Variants in FBN2 observed in about 807,000 individuals in gnomAD.
FBN2 encodes fibrillin 2.
Under a neutral mutation model 355.6 loss-of-function variants are expected in FBN2, and 105 were observed. The ratio of observed to expected loss-of-function variants is 0.30; its 90% CI spans 0.25 to 0.35. The LOEUF (loss-of-function observed/expected upper bound fraction) is 0.35. Among genes scored for constraint, FBN2 ranks in the 10% least tolerant of loss-of-function variants. The pLI is 1.00. For missense variants in FBN2, 3,280 were observed against 3,758.7 expected (o/e 0.87, Z 3.33); for synonymous variants, 1,350 against 1,301.2 (o/e 1.04, Z -0.81).
Position 128,330,688 on chromosome 5 carries a change from G to C in FBN2, c.4230C>G (p.Asp1410Glu), listed in dbSNP as rs138289440. The change falls in exon 33 of 65, where the codon GAC becomes GAG. Residue 1410 changes from aspartate to glutamate, a missense_variant. Transcript: ENST00000262464. ...ACTGGTGGGTTCCATTAGAACATTC[G>C]TCCAGATCTGCAGAACACAGCAATA... ...IGNGIKCIDL[D>E]ECSNGTHQCS... is the part of the protein sequence containing the mutation. 1.2e-6 allele frequency: 2 copies of C among 1,613,684 alleles called. No homozygotes were observed. Among genetic ancestry groups the C allele is most frequent in the African/African-American group, 2.7e-5 (2 of 74,880 alleles).
Position 128,527,931 on chromosome 5 carries a change from G to C in FBN2, c.473C>G (p.Thr158Ser), listed in dbSNP as rs1301016378. The change falls in exon 4 of 65, where the codon ACC becomes AGC. Residue 158 changes from threonine (T) to serine (S), a missense_variant. Physicochemically the swap from Thr to Ser is moderately conservative, Grantham distance 58. Around this residue, in one of 6 missense-constraint regions of FBN2, gnomAD observed 130 missense variants for 189.9 expected, o/e 0.68. Transcript: ENST00000262464. Reference protein sequence around the residue: ...QCSVRCMNGGTCADDHCQCQK... With the variant: ...QCSVRCMNGGSCADDHCQCQK... ...GCACTGGCAGTGGTCATCTGCACAGGTCCCACCATTCATGCATCTCACACT... is the reference window on the plus strand; with the variant it reads ...GCACTGGCAGTGGTCATCTGCACAGCTCCCACCATTCATGCATCTCACACT... 1 of 1,612,474 alleles carries C rather than the reference G, an allele frequency of 6.2e-7. No homozygotes were observed. The highest frequency in any genetic ancestry group is 8.5e-7 in the Non-Finnish European group (1 of 1,179,072).
chr5:128,402,593 T>C (rs577785018), intron 8 of FBN2, among the ~76,000 whole-genome samples: 2 of 152,316 alleles, frequency 1.3e-5, no homozygotes, highest in East Asian at 1.9e-4. Flanking sequence ...TTGGCAAAAA[T>C]TGGGGATTGT....
chr5:128,261,630 C>CA lies in FBN2; in HGVS notation c.8364+105dup. 5.3e-6 allele frequency: 5 copies of CA among 944,098 alleles called. 1 individual carries two copies. The South Asian group carries it at 6.5e-5, about 12-fold the overall frequency. The allele number at this position is 944,098 out of a possible 1,614,324, so 58.5% of individuals were successfully genotyped here. On this transcript the variant is annotated intron_variant, in intron 64 of 64. Coordinates refer to ENST00000262464, the MANE Select transcript of FBN2 (RefSeq NM_001999.4). ...GGTCCATTAATTTATCCATTAAATT[C>CA]AAGGTATGATTAACTTCAGTGAGGC...
Position 128,314,241 on chromosome 5 carries a change from C to T in FBN2, c.4718-1446G>A, listed in dbSNP as rs111505082. Among the ~76,000 whole-genome samples, 136 of 152,222 alleles carry T rather than the reference C, an allele frequency of 8.9e-4. 2 individuals are homozygous for T. The highest frequency in any genetic ancestry group is 6.8e-3 in the Middle Eastern group (2 of 294). On this transcript the variant is annotated intron_variant, in intron 36 of 64. Transcript: ENST00000262464. ...TACTTTATTTTTGTCTCAGATTTTG[C>T]ATTTTGTTTTTGTTGCTGAATCTCA... is the stretch of plus-strand genomic sequence containing the variant.
chr5:128,276,142 T>C lies in FBN2; in HGVS notation c.7490A>G (p.Gln2497Arg), dbSNP rs755352186. 2 of 1,613,792 alleles carry C rather than the reference T, an allele frequency of 1.2e-6. No homozygotes were observed. The highest frequency in any genetic ancestry group is 1.3e-5 in the African/African-American group (1 of 75,022). ...TSCIDLDECSQSPKPCNYICK... is the reference protein window; with the variant it reads ...TSCIDLDECSRSPKPCNYICK... Reference sequence around the variant, plus strand: ...GATGTAGTTGCATGGTTTCGGGGACTGGGAGCATTCATCAAGGTCTAAGTA... The same window carrying C: ...GATGTAGTTGCATGGTTTCGGGGACCGGGAGCATTCATCAAGGTCTAAGTA... The change falls in exon 59 of 65, where the codon CAG becomes CGG. Residue 2497 changes from glutamine to arginine, a missense_variant. Around this residue, in one of 6 missense-constraint regions of FBN2, gnomAD observed 2,284 missense variants for 2,749.5 expected, o/e 0.83. Transcript: ENST00000262464.
chr5:128,460,634 A>C (rs1754532360), intron 6 of FBN2, among the ~76,000 whole-genome samples: 2 of 152,242 alleles, frequency 1.3e-5, no homozygotes, highest in Admixed American at 1.3e-4. Flanking sequence ...TAACCAAAAC[A>C]GCATGGTACT....
chr5:128,388,606 C>T (rs531384680), intron 11 of FBN2, among the ~76,000 whole-genome samples: 1 of 152,262 alleles, frequency 6.6e-6, no homozygotes, highest in Admixed American at 6.5e-5. Flanking sequence ...GCTTGTTTGG[C>T]TGAATATAAA....
At chr5:128,499,169 A>G (rs942045738) in intron 5 of FBN2, among the ~76,000 whole-genome samples, 1 of 152,218 alleles carries the variant, frequency 6.6e-6, no homozygotes, top group African/African-American at 2.4e-5. Context: ...AGAGAGAGGC[A>G]AAATCTATTC....
At chr5:128,523,774 T>C (rs947908351) in intron 4 of FBN2, among the ~76,000 whole-genome samples, 5 of 150,222 alleles carry the variant, frequency 3.3e-5, no homozygotes, top group African/African-American at 1.2e-4. Flanking sequence ...ATTTTTACTT[T>C]TTCTATTTTT....
At position 128,299,594 on chromosome 5, in the gene FBN2, G is replaced by A. The variant is rs75828581; in HGVS notation, c.6166+1223C>T. ...GAAGTGACCCGATTCTCCAGGTGCCGTCTGTCACCACTTTCTTTGACTAGG... is the reference window on the plus strand; with the variant it reads ...GAAGTGACCCGATTCTCCAGGTGCCATCTGTCACCACTTTCTTTGACTAGG... On this transcript the variant is annotated intron_variant, in intron 48 of 64. Coordinates refer to ENST00000262464, the MANE Select transcript of FBN2 (RefSeq NM_001999.4). Among the ~76,000 whole-genome samples, 24 of 152,244 alleles carry A rather than the reference G, an allele frequency of 1.6e-4. No individual in the cohort carries two copies. The East Asian group carries it at 1.7e-3, about 11-fold the overall frequency.
chr5:128,299,849 C>A (rs7711092), intron 48 of FBN2, among the ~76,000 whole-genome samples: 7,156 of 152,178 alleles, frequency 0.047, 587 homozygotes, highest in African/African-American at 0.16. Flanking sequence ...GCTCCTCCCC[C>A]CTTAAACTTT....
chr5:128,479,237 T>C (rs1755088787), intron 5 of FBN2, among the ~76,000 whole-genome samples: 1 of 152,208 alleles, frequency 6.6e-6, no homozygotes, highest in Non-Finnish European at 1.5e-5. Context: ...TTTGTTTTTT[T>C]GCATTGTTCT....
intron 58 of FBN2, among the ~76,000 whole-genome samples, chr5:128,276,710 T>C (rs567224604): frequency 1.5e-4 from 23 of 152,270 alleles, no homozygotes; most frequent in African/African-American, 5.5e-4. Flanking sequence ...ACTCCCTCCC[T>C]GCAAGATAGG....
At position 128,407,387 on chromosome 5, in the gene FBN2, TAAG is replaced by T. The variant is rs1422358338; in HGVS notation, c.1078+1284_1078+1286del. Among the ~76,000 whole-genome samples, 10 of 152,208 alleles carry T rather than the reference TAAG, an allele frequency of 6.6e-5. No individual in the cohort carries two copies. The East Asian group carries it at 1.3e-3, about 21-fold the overall frequency. On this transcript the variant is annotated intron_variant, in intron 8 of 64. Transcript: ENST00000262464. ...AGGCATATCCTCCTCCTCCTCTTAA[TAAG>T]AATAATAATGAAGAATATTTTATTG...
intron 5 of FBN2, among the ~76,000 whole-genome samples, chr5:128,486,224 T>C (rs1755334302): frequency 6.6e-6 from 1 of 152,182 alleles, no homozygotes; most frequent in African/African-American, 2.4e-5. Flanking sequence ...ACAGTTCTTC[T>C]TATAAATGCA....
chr5:128,457,854 A>C (rs565680919), intron 6 of FBN2, among the ~76,000 whole-genome samples: 5 of 151,654 alleles, frequency 3.3e-5, no homozygotes, highest in African/African-American at 9.7e-5. Flanking sequence ...AAAAAAAAAA[A>C]CAAAAAACAA....
chr5:128,298,156 A>C (rs898628686), intron 48 of FBN2, among the ~76,000 whole-genome samples: 3 of 151,622 alleles, frequency 2.0e-5, no homozygotes, highest in East Asian at 1.9e-4. Context: ...AGAATGTTGA[A>C]TATTGGCCGC....
At chr5:128,313,319 C>G (rs1750111317) in intron 36 of FBN2, among the ~76,000 whole-genome samples, 1 of 152,108 alleles carries the variant, frequency 6.6e-6, no homozygotes, top group Non-Finnish European at 1.5e-5. Context: ...TACTTTTTTG[C>G]TGAGAACTCT....
chr5:128,437,769 T>C (rs1485061359), intron 7 of FBN2, among the ~76,000 whole-genome samples: 4 of 139,318 alleles, frequency 2.9e-5, no homozygotes, highest in Admixed American at 7.9e-5. Context: ...AAATAGTATG[T>C]ATGTATAGAT....
Sources: gnomAD v4.1 joint callset for allele counts (sites outside exome capture counted in the v4.1 genomes callset) on GRCh38, gnomAD v4.1.1 for gene constraint, gnomAD v4.1.1 regional missense constraint, MANE v1.5 for transcripts, NCBI Gene and HGNC (gene_info 2026-07-23, HGNC 2026-07-21) for gene names.